FRY: variants seen among roughly 807,000 people sequenced by gnomAD.
FRY encodes FRY microtubule binding protein.
In FRY, 128 loss-of-function variants were observed where a neutral mutation model predicts 348.4. The observed-to-expected ratio is 0.37, with a 90% CI of 0.32 to 0.43. FRY has a LOEUF of 0.43. FRY is among the 20% of genes least tolerant of loss of function. The pLI is 1.00. For missense variants in FRY, 2,736 were observed against 3,695.2 expected (o/e 0.74, Z 6.73); for synonymous variants, 1,370 against 1,374.7 (o/e 1.00, Z 0.08).
chr13:32,175,889 A>G (rs948952284), intron 20 of FRY, among the ~76,000 whole-genome samples: 1 of 152,246 alleles, frequency 6.6e-6, no homozygotes, highest in South Asian at 2.1e-4. Context: ...CAGGATTCTT[A>G]AGGAAAATTA....
chr13:32,184,657 G>T lies in FRY; in HGVS notation c.3112G>T (p.Glu1038Ter), dbSNP rs776429393. The change falls in exon 25 of 61, where the codon GAA becomes TAA. Residue 1038 changes from glutamate to a stop codon, truncating the protein, a stop_gained. Coordinates refer to ENST00000542859, the MANE Select transcript of FRY (RefSeq NM_023037.3). LOFTEE classifies it high-confidence loss of function. ...AAGGCTACAACTACTTCGAATTTTT[G>T]AACTTTTGGCTGATGCTGGTGTAAT... ...LLRLQLLRIF[E>*]LLADAGVISD... 1 of 1,613,190 alleles carries T rather than the reference G, an allele frequency of 6.2e-7. No individual in the cohort carries two copies. Among genetic ancestry groups the T allele is most frequent in the Non-Finnish European group, 8.5e-7 (1 of 1,179,116 alleles).
Position 32,101,945 on chromosome 13 carries a change from T to A in FRY, c.271-18T>A. On this transcript the variant is annotated intron_variant, in intron 2 of 60. Coordinates refer to ENST00000542859, the MANE Select transcript of FRY (RefSeq NM_023037.3). ...AGACTCTAATAATTATTCTTGCATA[T>A]ATTCTTTTTCTTTCTAGGAAAAGCC... 7.5e-7 allele frequency: 1 copy of A among 1,333,296 alleles called. No homozygotes were observed. Among genetic ancestry groups the A allele is most frequent in the Non-Finnish European group, 1.1e-6 (1 of 924,074 alleles). The allele number at this position is 1,333,296 out of a possible 1,614,324, so 82.6% of individuals were successfully genotyped here. A position where few individuals can be genotyped will look rare whatever the true frequency, so the allele number is the denominator to read the frequency against.
intron 17 of FRY, among the ~76,000 whole-genome samples, chr13:32,161,752 G>T: frequency 6.6e-6 from 1 of 152,206 alleles, no homozygotes. Flanking sequence ...GGACAAGAAT[G>T]CAGGTCGTGG....
Position 32,290,559 on chromosome 13 carries a change from T to A in FRY, c.8580+816T>A, listed in dbSNP as rs939449571. Among the ~76,000 whole-genome samples the A allele has an allele frequency of 3.3e-5, 5 of 152,048 alleles. No individual in the cohort carries two copies. The East Asian group carries it at 9.7e-4, about 29-fold the overall frequency. On this transcript the variant is annotated intron_variant, in intron 59 of 60. Transcript: ENST00000542859. ...AATAGAAGGTGCACCAAAAAAGAGC[T>A]ATGAGATAAGGCAGAAGAGAGAGGG...
intron 3 of FRY, among the ~76,000 whole-genome samples, chr13:32,113,199 G>C (rs1425629869): frequency 6.6e-6 from 1 of 152,106 alleles, no homozygotes; most frequent in Non-Finnish European, 1.5e-5. Context: ...GAGTATCGTG[G>C]CCCTCAGAGT....
intron 35 of FRY, among the ~76,000 whole-genome samples, chr13:32,214,000 T>C (rs140286323): frequency 1.4e-4 from 22 of 152,376 alleles, no homozygotes; most frequent in Non-Finnish European, 2.9e-4. Context: ...TATTCATACA[T>C]GTCAGATTCT....
At chr13:32,066,438 G>T (rs985627084) in intron 1 of FRY, among the ~76,000 whole-genome samples, 1 of 152,102 alleles carries the variant, frequency 6.6e-6, no homozygotes, top group African/African-American at 2.4e-5. Flanking sequence ...TCACTCCCAG[G>T]TATACATCCC....
At position 32,157,328 on chromosome 13, in the gene FRY, C is replaced by T. The variant is rs749181816; in HGVS notation, c.1707C>T (p.His569=). 6.2e-7 allele frequency: 1 copy of T among 1,612,754 alleles called. No individual in the cohort carries two copies. The highest frequency in any genetic ancestry group is 1.1e-5 in the South Asian group (1 of 91,048). ...AAGCTGTAGACAACATTTTAAGGCA[C>T]CTTGATAAAGAAGTAGGAAGGTGTA... The part of the protein sequence containing the change: ...VRKAVDNILR[H]LDKEVGRCMM... Residue 569 remains histidine, a synonymous_variant, in exon 16 of 61, where the codon CAC becomes CAT. Coordinates refer to ENST00000542859, the MANE Select transcript of FRY (RefSeq NM_023037.3).
At chr13:32,204,676 A>G (rs1593737087) in intron 31 of FRY, among the ~76,000 whole-genome samples, 1 of 152,188 alleles carries the variant, frequency 6.6e-6, no homozygotes, top group Non-Finnish European at 1.5e-5. Context: ...ACCTCTCCAT[A>G]TACCTGAGGC....
At chr13:32,104,184 T>C (rs1268453315) in intron 3 of FRY, among the ~76,000 whole-genome samples, 1 of 152,228 alleles carries the variant, frequency 6.6e-6, no homozygotes, top group Non-Finnish European at 1.5e-5. Flanking sequence ...AATTTCTTAT[T>C]TGTTACTCAG....
intron 1 of FRY, among the ~76,000 whole-genome samples, chr13:32,072,971 T>A (rs1328499291): frequency 6.6e-6 from 1 of 152,266 alleles, no homozygotes; most frequent in African/African-American, 2.4e-5. Context: ...CTTTCTATGA[T>A]GAGTTCTACT....
At chr13:32,222,602 G>A (rs578154349) in intron 36 of FRY, among the ~76,000 whole-genome samples, 1 of 152,352 alleles carries the variant, frequency 6.6e-6, no homozygotes, top group South Asian at 2.1e-4. Flanking sequence ...GCCCATGCAA[G>A]AGAGGATGGT....
chr13:32,068,081 T>A (rs1003083119), intron 1 of FRY, among the ~76,000 whole-genome samples: 1 of 152,138 alleles, frequency 6.6e-6, no homozygotes, highest in African/African-American at 2.4e-5. Context: ...ACCTTTCAGG[T>A]GACTGTGATG....
intron 1 of FRY, among the ~76,000 whole-genome samples, chr13:32,071,950 G>A (rs1475724150): frequency 6.6e-6 from 1 of 152,154 alleles, no homozygotes; most frequent in African/African-American, 2.4e-5. Context: ...AGGGCGATAT[G>A]GGAAGCTCAA....
intron 41 of FRY, among the ~76,000 whole-genome samples, chr13:32,232,737 G>A (rs549106205): frequency 1.1e-4 from 17 of 152,278 alleles, no homozygotes; most frequent in East Asian, 3.9e-4. Flanking sequence ...GCCAGAACTC[G>A]GGCACCTGGG....
rs547828269 is a variant in FRY at position 32,133,140 on chromosome 13, G to A, written c.885+1300G>A. Among the ~76,000 whole-genome samples the A allele has an allele frequency of 3.3e-5, 5 of 152,260 alleles. No homozygotes were observed. The South Asian group carries it at 1.0e-3, about 32-fold the overall frequency. ...ACAGTAGTGACAGATGCACAACTGT[G>A]ATTATACTAAAAGTCAATGAATTGT... On this transcript the variant is annotated intron_variant, in intron 8 of 60. Coordinates refer to ENST00000542859, the MANE Select transcript of FRY (RefSeq NM_023037.3).
chr13:32,050,547 TA>T (rs1873268917), intron 1 of FRY, among the ~76,000 whole-genome samples: 3 of 152,198 alleles, frequency 2.0e-5, no homozygotes, highest in Admixed American at 1.3e-4. Context: ...TAAACCCTTC[TA>T]GGAGAAAATG....
chr13:32,230,122 T>C (rs1219099533), intron 40 of FRY, among the ~76,000 whole-genome samples: 2 of 152,192 alleles, frequency 1.3e-5, no homozygotes, highest in African/African-American at 4.8e-5. Context: ...GTTACATAGG[T>C]AAACGTGTGT....
intron 57 of FRY, among the ~76,000 whole-genome samples, chr13:32,277,014 C>A (rs1379168561): frequency 2.0e-5 from 3 of 152,152 alleles, no homozygotes; most frequent in African/African-American, 7.2e-5. Flanking sequence ...TTACTTTTTT[C>A]TTTCTTCATA....
Sources: allele counts gnomAD v4.1 joint callset (sites outside exome capture counted in the v4.1 genomes callset), GRCh38; gene constraint gnomAD v4.1.1; transcripts MANE v1.5; gene names NCBI Gene and HGNC (gene_info 2026-07-23, HGNC 2026-07-21).